Variants in VIT observed in about 807,000 individuals in gnomAD.
VIT encodes vitrin.
Under a neutral mutation model 78.0 loss-of-function variants are expected in VIT, and 99 were observed. That is an observed-to-expected ratio of 1.27 (90% CI 1.08 to 1.50). The LOEUF is 1.50. VIT is among the 40% of genes most tolerant of loss of function. The pLI is 0.00. For missense variants in VIT, 1,126 were observed against 875.3 expected (o/e 1.29, Z -3.61); for synonymous variants, 374 against 334.3 (o/e 1.12, Z -1.29).
At chr2:36,811,412 AGACTGAGGGAAAT>A (rs1326212774) in intron 15 of VIT, among the ~76,000 whole-genome samples, 1 of 152,210 alleles carries the variant, frequency 6.6e-6, no homozygotes, top group Non-Finnish European at 1.5e-5. Context: ...GGAAAAATGA[AGACTGAGGGAAAT>A]GGCTGAGGTG....
intron 2 of VIT, among the ~76,000 whole-genome samples, chr2:36,727,752 G>A (rs1341495057): frequency 2.6e-5 from 4 of 152,300 alleles, no homozygotes; most frequent in East Asian, 3.9e-4. Context: ...ATTGCCTAGT[G>A]ACATTGTAGC....
intron 11 of VIT, among the ~76,000 whole-genome samples, chr2:36,785,869 T>A (rs763965520): frequency 6.6e-6 from 1 of 152,266 alleles, no homozygotes; most frequent in Non-Finnish European, 1.5e-5. Context: ...CACTCAGCAA[T>A]AAATATTTCT....
At chr2:36,809,118 A>G (rs1349637090) in intron 15 of VIT, 133 bp downstream of exon 15, 3 of 1,269,384 alleles carry the variant, frequency 2.4e-6, no homozygotes, top group Non-Finnish European at 3.2e-6. Context: ...TCAAAGCCGC[A>G]GGGAGGGCAT....
At chr2:36,772,286 C>A (rs1401187353) in intron 7 of VIT, among the ~76,000 whole-genome samples, 1 of 151,966 alleles carries the variant, frequency 6.6e-6, no homozygotes, top group Non-Finnish European at 1.5e-5. Flanking sequence ...CCTGTAATCC[C>A]AACACTTCGG....
rs541607279 is a variant in VIT, at chr2:36,761,367, G to T, written c.487+2321G>T. Among the ~76,000 whole-genome samples, 65 of 152,228 alleles carry T rather than the reference G, an allele frequency of 4.3e-4. No individual in the cohort carries two copies. The South Asian group carries it at 0.013, about 31-fold the overall frequency. On this transcript the variant is annotated intron_variant, in intron 6 of 15. Transcript: ENST00000379242. Reference sequence around the variant, plus strand: ...CCTTCTGTCCACTGGCCTGGGATGGGGGTGTCGGGGGTGTTGTGCAGGTTC... The same window carrying T: ...CCTTCTGTCCACTGGCCTGGGATGGTGGTGTCGGGGGTGTTGTGCAGGTTC...
chr2:36,778,023 GCCACTCTCT>G (rs1476393258), intron 9 of VIT, among the ~76,000 whole-genome samples: 1 of 151,920 alleles, frequency 6.6e-6, no homozygotes, highest in Non-Finnish European at 1.5e-5. Flanking sequence ...AGTGATTCCT[GCCACTCTCT>G]CCCACTATGC....
chr2:36,759,420 G>A (rs1368294801), intron 6 of VIT: 2 of 1,297,406 alleles, frequency 1.5e-6, no homozygotes, highest in East Asian at 3.6e-5. Flanking sequence ...GAAATGAAGA[G>A]AAGCAAAGAG....
At chr2:36,769,809 A>T (rs1161796124) in intron 7 of VIT, among the ~76,000 whole-genome samples, 1 of 152,046 alleles carries the variant, frequency 6.6e-6, no homozygotes, top group Non-Finnish European at 1.5e-5. Context: ...CCCCAAAAGA[A>T]ATCCCGTGCC....
rs939232641 is a variant in VIT, at chr2:36,774,807, G to A, written c.737-195G>A. 5 of 985,288 alleles carry A rather than the reference G, an allele frequency of 5.1e-6. No individual in the cohort carries two copies. In the African/African-American group the frequency reaches 8.7e-5, roughly 17 times the overall value. The allele number at this position is 985,288 out of a possible 1,614,324, so 61.0% of individuals were successfully genotyped here. A position where few individuals can be genotyped will look rare whatever the true frequency, so the allele number is the denominator to read the frequency against. On this transcript the variant is annotated intron_variant, in intron 8 of 15. Coordinates refer to ENST00000379242, the MANE Select transcript of VIT (RefSeq NM_053276.4). ...ACTCTACAGGAGCCCAATCCATGGA[G>A]CACTGTTTCCTCCTGTCCCCTTGGC... is the stretch of plus-strand genomic sequence containing the variant.
At chr2:36,807,113 C>T (rs778995429) in intron 14 of VIT, among the ~76,000 whole-genome samples, 1 of 152,172 alleles carries the variant, frequency 6.6e-6, no homozygotes, top group Non-Finnish European at 1.5e-5. Flanking sequence ...TCGCCTGACG[C>T]CCCCTCCCCA....
intron 12 of VIT, among the ~76,000 whole-genome samples, chr2:36,799,330 T>C (rs778815652): frequency 1.3e-5 from 2 of 152,194 alleles, no homozygotes; most frequent in Non-Finnish European, 2.9e-5. Context: ...AATCAACCCA[T>C]GGTCAGCATC....
chr2:36,801,288 T>G lies in VIT; in HGVS notation c.1059-13T>G. The G allele has an allele frequency of 6.2e-7, 1 of 1,608,312 alleles. No individual in the cohort carries two copies. The highest frequency in any genetic ancestry group is 8.5e-7 in the Non-Finnish European group (1 of 1,174,868). On this transcript the variant is annotated splice_polypyrimidine_tract_variant and intron_variant, in intron 12 of 15. Transcript: ENST00000379242. ...TTTGCAGCTAATTTGTATTTCTTGT[T>G]CTGACTCTTCAGAGACAACCCTGCT...
intron 2 of VIT, among the ~76,000 whole-genome samples, chr2:36,728,812 C>CAA (rs768222712): frequency 2.9e-4 from 1 of 3,438 alleles, no homozygotes; most frequent in African/African-American, 5.0e-4. Context: ...GACTCCGTCT[C>CAA]AAAAAAAAAA....
chr2:36,813,188 G>A (rs1018224192), intron 15 of VIT, among the ~76,000 whole-genome samples: 4 of 151,146 alleles, frequency 2.6e-5, no homozygotes, highest in South Asian at 2.1e-4. Flanking sequence ...GGTGGCTCAT[G>A]CCTGTAATCC....
intron 12 of VIT, among the ~76,000 whole-genome samples, chr2:36,795,177 T>TGCAAA (rs1665783401): frequency 6.6e-6 from 1 of 152,184 alleles, no homozygotes; most frequent in Non-Finnish European, 1.5e-5. Context: ...ATTCTGTATT[T>TGCAAA]GCAAATTTGC....
chr2:36,803,808 T>A (rs1666504325), intron 13 of VIT, among the ~76,000 whole-genome samples: 1 of 152,208 alleles, frequency 6.6e-6, no homozygotes, highest in Non-Finnish European at 1.5e-5. Flanking sequence ...GCTTCTTAAC[T>A]TTTATGGAGA....
At chr2:36,706,392 A>G (rs1429067695) in intron 1 of VIT, among the ~76,000 whole-genome samples, 3 of 152,196 alleles carry the variant, frequency 2.0e-5, no homozygotes, top group Non-Finnish European at 2.9e-5. Flanking sequence ...GCTCAAGTCA[A>G]AGGCTCAAAA....
At chr2:36,773,963 T>G in intron 8 of VIT, 116 bp downstream of exon 8, 4 of 1,059,444 alleles carry the variant, frequency 3.8e-6, no homozygotes, top group Non-Finnish European at 5.1e-6. Flanking sequence ...TTAAACCACT[T>G]AGGCCAACAG....
At chr2:36,746,776 T>C (rs1236230995) in intron 4 of VIT, among the ~76,000 whole-genome samples, 2 of 152,246 alleles carry the variant, frequency 1.3e-5, no homozygotes, top group East Asian at 1.9e-4. Context: ...ATGTTTTATA[T>C]GGATTTTCAC....
Sources: gnomAD v4.1 joint callset for allele counts (sites outside exome capture counted in the v4.1 genomes callset) on GRCh38, gnomAD v4.1.1 for gene constraint, MANE v1.5 for transcripts, NCBI Gene and HGNC (gene_info 2026-07-23, HGNC 2026-07-21) for gene names.